The following CIMAP3 variants were observed in gnomAD, a reference collection of about 807,000 sequenced individuals.
CIMAP3 encodes ciliary microtubule-associated protein 3.
chr1:111,350,537 A>AG, the CIMAP3 span, among the ~76,000 whole-genome samples: 1 of 152,228 alleles, frequency 6.6e-6, no homozygotes, highest in African/African-American at 2.4e-5. Flanking sequence ...TGATTTGTGC[A>AG]GGTTTCACTA....
chr1:111,340,907 C>T, the CIMAP3 span, among the ~76,000 whole-genome samples: 35 of 152,024 alleles, frequency 2.3e-4, no homozygotes, highest in Admixed American at 7.9e-4. Flanking sequence ...CACATGAACA[C>T]GTATGTTTAT....
At chr1:111,350,092 A>AT in the CIMAP3 span, 3 of 1,597,360 alleles carry the variant, frequency 1.9e-6, no homozygotes, top group Non-Finnish European at 2.6e-6. Context: ...TGATGCTTGT[A>AT]TTTTTATTTC....
the CIMAP3 span, among the ~76,000 whole-genome samples, chr1:111,348,051 C>T: frequency 2.8e-4 from 43 of 152,310 alleles, no homozygotes; most frequent in African/African-American, 8.7e-4. Flanking sequence ...GTTAAACATT[C>T]GAAGCTTGTG....
At chr1:111,331,680 G>T in the CIMAP3 span, among the ~76,000 whole-genome samples, 24 of 150,322 alleles carry the variant, frequency 1.6e-4, no homozygotes, top group African/African-American at 4.4e-4. Context: ...ATTCTTTTTT[G>T]GGGGGGGCAT....
At chr1:111,324,762 G>C in the CIMAP3 span, 349,479 of 984,874 alleles carry the variant, frequency 0.35, 63,902 homozygotes, top group South Asian at 0.42. Flanking sequence ...GTTCCCCTGA[G>C]GACCTGTTCT....
chr1:111,346,740 A>C, the CIMAP3 span: 1 of 1,581,500 alleles, frequency 6.3e-7, no homozygotes, highest in Non-Finnish European at 8.7e-7. Context: ...GCTGGGAAAG[A>C]CGAAGTGGGA....
chr1:111,343,138 A>G, the CIMAP3 span, among the ~76,000 whole-genome samples: 1 of 152,100 alleles, frequency 6.6e-6, no homozygotes, highest in East Asian at 1.9e-4. Context: ...CTACAATTTT[A>G]TTTGATTCAT....
chr1:111,339,062 A>G, the CIMAP3 span, among the ~76,000 whole-genome samples: 1,136 of 152,224 alleles, frequency 7.5e-3, 14 homozygotes, highest in African/African-American at 0.026. Context: ...ACTCAAATCA[A>G]TAAATGTAAT....
the CIMAP3 span, among the ~76,000 whole-genome samples, chr1:111,342,422 T>G: frequency 5.9e-5 from 9 of 152,176 alleles, no homozygotes; most frequent in African/African-American, 9.6e-5. Flanking sequence ...AGCAAGAGCA[T>G]CAGCCTTGGA....
chr1:111,333,031 G>C, the CIMAP3 span, among the ~76,000 whole-genome samples: 4 of 152,214 alleles, frequency 2.6e-5, no homozygotes, highest in Admixed American at 1.3e-4. Context: ...GGCATCTCAG[G>C]GCTGTTTTTC....
the CIMAP3 span, among the ~76,000 whole-genome samples, chr1:111,343,206 C>T: frequency 2.0e-5 from 3 of 151,972 alleles, no homozygotes; most frequent in Non-Finnish European, 4.4e-5. Context: ...ATCAGCTTTT[C>T]CTCTGTGTTG....
chr1:111,345,056 A>G, the CIMAP3 span, among the ~76,000 whole-genome samples: 1 of 152,230 alleles, frequency 6.6e-6, no homozygotes, highest in African/African-American at 2.4e-5. Flanking sequence ...AGGCCATACT[A>G]TAAGCCTAGG....
chr1:111,350,768 A>C, the CIMAP3 span, among the ~76,000 whole-genome samples: 50,261 of 152,082 alleles, frequency 0.33, 8,560 homozygotes, highest in African/African-American at 0.39. Flanking sequence ...ATGGGTATTA[A>C]AATAGAATCA....
chr1:111,325,653 C>T, the CIMAP3 span, among the ~76,000 whole-genome samples: 1,207 of 152,060 alleles, frequency 7.9e-3, 16 homozygotes, highest in African/African-American at 0.027. Flanking sequence ...AATGCCCTAA[C>T]TATAAAGTAA....
the CIMAP3 span, among the ~76,000 whole-genome samples, chr1:111,336,626 A>G: frequency 6.6e-6 from 1 of 152,246 alleles, no homozygotes; most frequent in Non-Finnish European, 1.5e-5. Context: ...AATGAAATGA[A>G]GTGAGAAGGG....
the CIMAP3 span, among the ~76,000 whole-genome samples, chr1:111,344,385 C>T: frequency 1.3e-5 from 2 of 152,104 alleles, no homozygotes; most frequent in African/African-American, 2.4e-5. Context: ...ATCTTGTTTC[C>T]GAGTTCTCAG....
chr1:111,334,570 T>A, the CIMAP3 span, among the ~76,000 whole-genome samples: 7 of 152,216 alleles, frequency 4.6e-5, no homozygotes, highest in Non-Finnish European at 8.8e-5. Flanking sequence ...CTGACCCTAC[T>A]GAGACAGGAT....
chr1:111,347,138 T>A, the CIMAP3 span: 1 of 1,435,374 alleles, frequency 7.0e-7, no homozygotes, highest in East Asian at 2.3e-5. Flanking sequence ...GAAAAAATTC[T>A]GTGGGACTTG....
the CIMAP3 span, chr1:111,349,882 TG>T: frequency 2.1e-6 from 1 of 467,726 alleles, no homozygotes; most frequent in Non-Finnish European, 3.8e-6. Context: ...GGAGTCGATC[TG>T]TGCTCTAACT....
Sources: allele counts gnomAD v4.1 joint callset (sites outside exome capture counted in the v4.1 genomes callset), GRCh38; gene constraint gnomAD v4.1.1; transcripts MANE v1.5; gene names NCBI Gene and HGNC (gene_info 2026-07-23, HGNC 2026-07-21).